The following RAPGEF6 variants were observed in gnomAD, a reference collection of about 807,000 sequenced individuals.
RAPGEF6 encodes PDZ domain containing guanine nucleotide exchange factor (GEF) 2.
RAPGEF6 carries 56 observed loss-of-function variants against 171.4 expected under a neutral mutation model. The ratio of observed to expected loss-of-function variants is 0.33; its 90% CI spans 0.26 to 0.41. RAPGEF6 has a LOEUF of 0.41. Ranked by LOEUF, RAPGEF6 falls within the 10% of genes least tolerant of loss-of-function variation. RAPGEF6 has a pLI of 1.00. For synonymous variants in RAPGEF6, 692 were observed against 650.1 expected (o/e 1.06, Z -0.98); for missense variants, 1,674 against 1,921.4 (o/e 0.87, Z 2.41).
At chr5:131,623,477 C>CATTTTTTTTTTTTTTTTT (rs1554088737) in intron 1 of RAPGEF6, among the ~76,000 whole-genome samples, 1 of 114,184 alleles carries the variant, frequency 8.8e-6, no homozygotes, top group Non-Finnish European at 1.8e-5. Context: ...TTTCACATTG[C>CATTTTTTTTTTTTTTTTT]TTTTTTTTTT....
In RAPGEF6 at chr5:131,438,106, G is replaced by A. The variant is rs952326666; in HGVS notation, c.3745+1475C>T. ...TTGGTTCAAGTGATTCTCCTGCCTC[G>A]GCCTCCTGAGTAGCTGGGACTACAG... On this transcript the variant is annotated intron_variant, in intron 24 of 27. Coordinates refer to ENST00000509018, the MANE Select transcript of RAPGEF6 (RefSeq NM_016340.6). Among the ~76,000 whole-genome samples the A allele has an allele frequency of 8.8e-5, 13 of 148,064 alleles. No homozygotes were observed. In the East Asian group the frequency reaches 1.3e-3, roughly 15 times the overall value.
At chr5:131,469,921 A>C in intron 17 of RAPGEF6, 1 of 835,882 alleles carries the variant, frequency 1.2e-6, no homozygotes, top group Non-Finnish European at 1.8e-6. Context: ...ATAACTTTGA[A>C]AATGAAGGAT....
At chr5:131,484,798 CTGA>C (rs1174316483) in intron 15 of RAPGEF6, among the ~76,000 whole-genome samples, 5 of 152,050 alleles carry the variant, frequency 3.3e-5, no homozygotes. Flanking sequence ...TCTGTATGAA[CTGA>C]TGTGAAAAAG....
intron 4 of RAPGEF6, among the ~76,000 whole-genome samples, chr5:131,590,890 A>G (rs970210442): frequency 5.9e-5 from 9 of 152,348 alleles, no homozygotes; most frequent in African/African-American, 2.2e-4. Context: ...ACCATAGGCA[A>G]TATCAATCCA....
chr5:131,496,702 T>C (rs1756661516), intron 12 of RAPGEF6, among the ~76,000 whole-genome samples: 2 of 152,216 alleles, frequency 1.3e-5, no homozygotes, highest in Non-Finnish European at 2.9e-5. Context: ...TTTCTTCTTA[T>C]GGCTGAATAA....
intron 24 of RAPGEF6, chr5:131,436,456 A>T: frequency 7.8e-7 from 1 of 1,289,108 alleles, no homozygotes; most frequent in Non-Finnish European, 1.0e-6. Flanking sequence ...TCACTATTTA[A>T]AAATTCTAAC....
At chr5:131,537,995 A>C (rs1292682855) in intron 6 of RAPGEF6, among the ~76,000 whole-genome samples, 2 of 152,142 alleles carry the variant, frequency 1.3e-5, no homozygotes, top group Admixed American at 6.6e-5. Context: ...CAGGAGGCTG[A>C]GGTGAGAGGA....
chr5:131,514,767 T>A (rs528427019), intron 7 of RAPGEF6, among the ~76,000 whole-genome samples: 1 of 152,266 alleles, frequency 6.6e-6, no homozygotes, highest in African/African-American at 2.4e-5. Flanking sequence ...CATATCATAA[T>A]ACCACGAGTG....
chr5:131,573,493 G>A (rs1216695460), intron 4 of RAPGEF6, among the ~76,000 whole-genome samples: 5 of 152,064 alleles, frequency 3.3e-5, no homozygotes, highest in African/African-American at 1.2e-4. Context: ...TAAATGGAGA[G>A]GTCGTCCTGA....
At chr5:131,611,305 T>G (rs1764920679) in intron 1 of RAPGEF6, among the ~76,000 whole-genome samples, 2 of 152,246 alleles carry the variant, frequency 1.3e-5, no homozygotes, top group Admixed American at 1.3e-4. Context: ...TTTGTAGTAT[T>G]CAGTAAATAA....
At chr5:131,487,128 T>G (rs1049296495) in intron 15 of RAPGEF6, among the ~76,000 whole-genome samples, 1 of 152,164 alleles carries the variant, frequency 6.6e-6, no homozygotes, top group East Asian at 1.9e-4. Flanking sequence ...AAAGATGGTG[T>G]GTCTGGAGTT....
chr5:131,496,804 C>T (rs1205434748), intron 12 of RAPGEF6, among the ~76,000 whole-genome samples: 3 of 152,128 alleles, frequency 2.0e-5, no homozygotes, highest in Non-Finnish European at 2.9e-5. Flanking sequence ...AGTGCTGCTA[C>T]GAATATTTAC....
At chr5:131,484,083 G>A (rs372175884) in intron 15 of RAPGEF6, among the ~76,000 whole-genome samples, 14 of 129,888 alleles carry the variant, frequency 1.1e-4, no homozygotes, top group Admixed American at 3.3e-4. Flanking sequence ...GCAACAGAGC[G>A]AGACTCCATC....
intron 4 of RAPGEF6, 114 bp from the exon 5 acceptor site, chr5:131,562,161 C>G: frequency 1.5e-6 from 1 of 648,622 alleles, no homozygotes; most frequent in Non-Finnish European, 2.6e-6. Context: ...CCAAGAAATT[C>G]TGATCCTGTC....
intron 15 of RAPGEF6, among the ~76,000 whole-genome samples, chr5:131,487,191 G>T (rs1755958898): frequency 1.3e-5 from 2 of 152,152 alleles, no homozygotes; most frequent in South Asian, 4.1e-4. Flanking sequence ...TCATGGTCTT[G>T]CTGACTTCAA....
intron 4 of RAPGEF6, among the ~76,000 whole-genome samples, chr5:131,580,531 G>A (rs1762891639): frequency 6.6e-6 from 1 of 152,196 alleles, no homozygotes; most frequent in African/African-American, 2.4e-5. Context: ...CAGAGCAGAT[G>A]CCGAGGAGGC....
rs78143147 is a variant in RAPGEF6, at chr5:131,518,090, T to C, written c.627+3300A>G. 6.4e-3 allele frequency among the ~76,000 whole-genome samples: 974 copies of C among 152,222 alleles called. 7 individuals carry two copies. Among genetic ancestry groups the C allele is most frequent in the African/African-American group, 0.022 (925 of 41,546 alleles). On this transcript the variant is annotated intron_variant, in intron 7 of 27. Transcript: ENST00000509018. ...CTAGTAGAAAAACACTGTTACTAAC[T>C]GGTGTTCTTGAACTCGGATTTACAT...
In RAPGEF6 at chr5:131,584,917, T is replaced by C. The variant is rs56187427; in HGVS notation, c.281+7466A>G. ...GGTCTCAGTGAATTGGTTTTGTCTG[T>C]ACAGGTGGGCAGGAAGAATCCACTG... On this transcript the variant is annotated intron_variant, in intron 4 of 27. Transcript: ENST00000509018. 6.5e-3 allele frequency among the ~76,000 whole-genome samples: 994 copies of C among 152,334 alleles called. 12 individuals carry two copies. The highest frequency in any genetic ancestry group is 0.022 in the African/African-American group (933 of 41,560).
At chr5:131,607,941 G>T (rs147483892) in intron 1 of RAPGEF6, among the ~76,000 whole-genome samples, 1 of 152,138 alleles carries the variant, frequency 6.6e-6, no homozygotes, top group Non-Finnish European at 1.5e-5. Context: ...TTTTTCATAA[G>T]ATAGGACATC....
Sources: allele counts gnomAD v4.1 joint callset (sites outside exome capture counted in the v4.1 genomes callset), GRCh38; gene constraint gnomAD v4.1.1; transcripts MANE v1.5; gene names NCBI Gene and HGNC (gene_info 2026-07-23, HGNC 2026-07-21).